The following KCNIP4 variants were observed in gnomAD, a reference collection of about 807,000 sequenced individuals.
The protein encoded by KCNIP4 is potassium voltage-gated channel interacting protein 4.
Under a neutral mutation model 34.0 loss-of-function variants are expected in KCNIP4, and 12 were observed. The observed-to-expected ratio is 0.35, with a 90% CI of 0.23 to 0.57. The LOEUF (loss-of-function observed/expected upper bound fraction) is 0.57, where lower values mean the gene tolerates loss of function less well. Among genes scored for constraint, KCNIP4 ranks in the 20% least tolerant of loss-of-function variants. The pLI, the probability that KCNIP4 is intolerant of heterozygous loss-of-function variation, is 0.83. For missense variants in KCNIP4, 238 were observed against 311.7 expected, an observed-to-expected ratio of 0.76 and a Z score of 1.78; for synonymous variants, 124 against 102.2, an observed-to-expected ratio of 1.21 and a Z score of -1.29.
At chr4:21,909,767 C>A (rs1432812971) in intron 1 of KCNIP4, among the ~76,000 whole-genome samples, 1 of 152,020 alleles carries the variant, frequency 6.6e-6, no homozygotes, top group Non-Finnish European at 1.5e-5. Context: ...GCCTCACAAT[C>A]ATGGTGGAAG....
intron 1 of KCNIP4, among the ~76,000 whole-genome samples, chr4:21,492,417 C>T (rs763637673): frequency 6.6e-6 from 1 of 151,882 alleles, no homozygotes; most frequent in Admixed American, 6.6e-5. Context: ...AGACATAGGG[C>T]CTCTCTTTTT....
intron 2 of KCNIP4, among the ~76,000 whole-genome samples, chr4:20,879,029 C>T (rs1724384975): frequency 2.0e-5 from 3 of 151,856 alleles, no homozygotes; most frequent in South Asian, 4.1e-4. Context: ...ATATAAGACG[C>T]TCAGAGTGAG....
intron 5 of KCNIP4, among the ~76,000 whole-genome samples, chr4:20,735,455 G>A (rs1030142984): frequency 2.0e-5 from 3 of 150,830 alleles, no homozygotes; most frequent in Admixed American, 1.3e-4. Context: ...GGAGCCCTCA[G>A]TTTGTATCCT....
intron 1 of KCNIP4, among the ~76,000 whole-genome samples, chr4:21,380,500 A>C (rs1354102394): frequency 6.7e-6 from 1 of 150,236 alleles, no homozygotes; most frequent in Non-Finnish European, 1.5e-5. Context: ...AGAGAGAGAG[A>C]TCCTATATTG....
chr4:21,104,208 C>T (rs1748258096), intron 1 of KCNIP4, among the ~76,000 whole-genome samples: 1 of 151,828 alleles, frequency 6.6e-6, no homozygotes, highest in Non-Finnish European at 1.5e-5. Context: ...ACAGTCCCAC[C>T]AACAGTATAA....
At chr4:21,024,308 A>G (rs1740342174) in intron 1 of KCNIP4, among the ~76,000 whole-genome samples, 1 of 152,176 alleles carries the variant, frequency 6.6e-6, no homozygotes, top group Admixed American at 6.5e-5. Flanking sequence ...TCCTCTCTTT[A>G]GCCAATTCTC....
intron 3 of KCNIP4, among the ~76,000 whole-genome samples, chr4:20,773,261 CA>C (rs985776125): frequency 3.3e-5 from 5 of 151,660 alleles, no homozygotes; most frequent in Admixed American, 2.6e-4. Flanking sequence ...GAAATTGTTG[CA>C]ATTGTTGCAA....
chr4:21,113,090 G>A (rs1577715257), intron 1 of KCNIP4, among the ~76,000 whole-genome samples: 1 of 152,166 alleles, frequency 6.6e-6, no homozygotes, highest in African/African-American at 2.4e-5. Context: ...CTATTCTGCT[G>A]AGTCCAAATT....
chr4:20,941,803 A>C (rs953728740), intron 1 of KCNIP4, among the ~76,000 whole-genome samples: 54 of 152,246 alleles, frequency 3.5e-4, no homozygotes, highest in African/African-American at 1.3e-3. Context: ...TGTCCAGTAT[A>C]TAGAGAAATG....
chr4:21,646,768 A>G (rs576149267), intron 1 of KCNIP4, among the ~76,000 whole-genome samples: 6 of 152,288 alleles, frequency 3.9e-5, no homozygotes, highest in Non-Finnish European at 7.4e-5. Context: ...AACACATGCC[A>G]CTGATTATAT....
chr4:20,733,957 G>T (rs936941600), intron 6 of KCNIP4, among the ~76,000 whole-genome samples: 1 of 152,062 alleles, frequency 6.6e-6, no homozygotes, highest in Non-Finnish European at 1.5e-5. Context: ...TGTCTGTGGG[G>T]CCTCTTGCTC....
chr4:21,705,713 A>C (rs1379116277), intron 1 of KCNIP4, among the ~76,000 whole-genome samples: 1 of 152,178 alleles, frequency 6.6e-6, no homozygotes, highest in Non-Finnish European at 1.5e-5. Context: ...GTAAAATTTG[A>C]AGGTGGTGTA....
intron 3 of KCNIP4, among the ~76,000 whole-genome samples, chr4:20,828,818 G>A (rs916312434): frequency 6.6e-5 from 10 of 152,192 alleles, no homozygotes; most frequent in Admixed American, 6.5e-5. Flanking sequence ...ATGTATGGAT[G>A]CTGGATGCAA....
intron 1 of KCNIP4, among the ~76,000 whole-genome samples, chr4:20,937,180 AAC>A (rs1731152714): frequency 6.7e-6 from 1 of 150,310 alleles, no homozygotes; most frequent in South Asian, 2.1e-4. Context: ...TAATCTCATA[AAC>A]ACATACTTAG....
intron 1 of KCNIP4, among the ~76,000 whole-genome samples, chr4:21,274,574 T>C (rs1762330195): frequency 6.6e-6 from 1 of 152,178 alleles, no homozygotes; most frequent in South Asian, 2.1e-4. Flanking sequence ...TACGGACTCC[T>C]AAAGGGCTTT....
chr4:21,837,887 C>T (rs1723449594), intron 1 of KCNIP4, among the ~76,000 whole-genome samples: 1 of 152,054 alleles, frequency 6.6e-6, no homozygotes. Context: ...TAAAATAATG[C>T]CTTAATTTAT....
At chr4:21,431,033 A>G (rs534736857) in intron 1 of KCNIP4, among the ~76,000 whole-genome samples, 2 of 152,280 alleles carry the variant, frequency 1.3e-5, no homozygotes, top group South Asian at 4.1e-4. Flanking sequence ...TGCATTTCTT[A>G]CCAGAACTAT....
intron 1 of KCNIP4, among the ~76,000 whole-genome samples, chr4:21,905,471 T>C (rs1446809364): frequency 6.6e-6 from 1 of 152,148 alleles, no homozygotes; most frequent in Non-Finnish European, 1.5e-5. Flanking sequence ...TTGTTACATA[T>C]GTATACATGT....
At chr4:21,528,901 C>G (rs1736415093) in intron 1 of KCNIP4, among the ~76,000 whole-genome samples, 1 of 151,882 alleles carries the variant, frequency 6.6e-6, no homozygotes, top group African/African-American at 2.4e-5. Flanking sequence ...TTGTGGCAAA[C>G]ACTACAGCTA....
Sources: allele counts gnomAD v4.1 joint callset (sites outside exome capture counted in the v4.1 genomes callset), GRCh38; gene constraint gnomAD v4.1.1; transcripts MANE v1.5; gene names NCBI Gene and HGNC (gene_info 2026-07-23, HGNC 2026-07-21).